PPM1E: variants seen among roughly 807,000 people sequenced by gnomAD.
PPM1E encodes the protein protein phosphatase, Mg2+/Mn2+ dependent 1E.
PPM1E carries 20 observed loss-of-function variants against 65.9 expected under a neutral mutation model. That is an observed-to-expected ratio of 0.30 (90% CI 0.21 to 0.44). The LOEUF (loss-of-function observed/expected upper bound fraction) is 0.44, where lower values mean the gene tolerates loss of function less well. Among genes scored for constraint, PPM1E ranks in the 20% least tolerant of loss-of-function variants. The pLI is 1.00. For synonymous variants in PPM1E, 352 were observed against 374.9 expected (o/e 0.94, Z 0.70); for missense variants, 713 against 953.1 (o/e 0.75, Z 3.32).
Position 58,756,321 on chromosome 17 carries a change from C to A in PPM1E, c.324C>A (p.Ala108=), listed in dbSNP as rs942820874. 4.1e-6 allele frequency: 6 copies of A among 1,476,922 alleles called. No individual in the cohort carries two copies. The East Asian group carries it at 1.4e-4, about 34-fold the overall frequency. The allele number at this position is 1,476,922 out of a possible 1,614,324, so 91.5% of individuals were successfully genotyped here. Residue 108 remains alanine (A), a synonymous_variant, in exon 1 of 7, where the codon GCC becomes GCA. Transcript: ENST00000308249. ...AGGGCGCGGCGACGGCGGCGGCAGCCCCGGGGCACTCGGCCGTGCCGCCGC... is the reference window on the plus strand; with the variant it reads ...AGGGCGCGGCGACGGCGGCGGCAGCACCGGGGCACTCGGCCGTGCCGCCGC... ...EEEGAATAAA[A]PGHSAVPPPP... is the part of the protein sequence containing the mutation.
chr17:58,945,343 A>G (rs1449742100), intron 1 of PPM1E, among the ~76,000 whole-genome samples: 1 of 152,130 alleles, frequency 6.6e-6, no homozygotes, highest in African/African-American at 2.4e-5. Context: ...GGGTTTCATC[A>G]TGTTGGCCAG....
intron 1 of PPM1E, among the ~76,000 whole-genome samples, chr17:58,785,776 C>CA (rs2050094955): frequency 6.6e-6 from 1 of 151,882 alleles, no homozygotes; most frequent in Non-Finnish European, 1.5e-5. Context: ...TTAATTGAAA[C>CA]ACGTTTCAGT....
At chr17:58,789,436 T>A (rs1218618381) in intron 1 of PPM1E, among the ~76,000 whole-genome samples, 1 of 152,204 alleles carries the variant, frequency 6.6e-6, no homozygotes, top group Non-Finnish European at 1.5e-5. Context: ...TCTTCATTAC[T>A]CATTGCCTTC....
chr17:58,923,284 C>CAAAAAAAA (rs60557317), intron 1 of PPM1E, among the ~76,000 whole-genome samples: 1 of 102,484 alleles, frequency 9.8e-6, no homozygotes, highest in African/African-American at 3.8e-5. Context: ...GACCCTATCT[C>CAAAAAAAA]AAAAAAAAAA....
intron 2 of PPM1E, among the ~76,000 whole-genome samples, chr17:58,960,474 A>G (rs1336562460): frequency 1.3e-5 from 2 of 152,164 alleles, no homozygotes; most frequent in Non-Finnish European, 2.9e-5. Flanking sequence ...AGTTTTAAAT[A>G]ACAATTAAAG....
At chr17:58,772,420 C>T (rs892838959) in intron 1 of PPM1E, among the ~76,000 whole-genome samples, 10 of 151,492 alleles carry the variant, frequency 6.6e-5, no homozygotes, top group Non-Finnish European at 1.5e-4. Context: ...CGTGCTACTG[C>T]ACTCCAGCCT....
chr17:58,900,914 C>CAATATA (rs2051491130), intron 1 of PPM1E, among the ~76,000 whole-genome samples: 1 of 152,038 alleles, frequency 6.6e-6, no homozygotes, highest in Admixed American at 6.6e-5. Flanking sequence ...TCTAAGCACA[C>CAATATA]AATATAAATA....
At chr17:58,895,430 C>T (rs2051400551) in intron 1 of PPM1E, among the ~76,000 whole-genome samples, 1 of 152,114 alleles carries the variant, frequency 6.6e-6, no homozygotes, top group African/African-American at 2.4e-5. Flanking sequence ...AATGCTAGGG[C>T]TCTTGCACTA....
At chr17:58,781,577 T>G (rs2050050113) in intron 1 of PPM1E, among the ~76,000 whole-genome samples, 1 of 152,080 alleles carries the variant, frequency 6.6e-6, no homozygotes, top group Non-Finnish European at 1.5e-5. Context: ...GTATGAGAAG[T>G]CTTGAGGGAT....
chr17:58,779,933 T>A (rs2050035236), intron 1 of PPM1E, among the ~76,000 whole-genome samples: 1 of 152,240 alleles, frequency 6.6e-6, no homozygotes, highest in Non-Finnish European at 1.5e-5. Context: ...TACCTCATTC[T>A]TTTGTCTGCT....
In PPM1E at chr17:58,903,725, A is replaced by G. The variant is rs537854141; in HGVS notation, c.465-51924A>G. ...GTTCTTAGAAGGAAGAGGGCCTAGA[A>G]AATTATAGATTAATCTGTATTTGTG... On this transcript the variant is annotated intron_variant, in intron 1 of 6. Coordinates refer to ENST00000308249, the MANE Select transcript of PPM1E (RefSeq NM_014906.5). 3.0e-4 allele frequency among the ~76,000 whole-genome samples: 45 copies of G among 152,348 alleles called. 1 individual carries two copies. The East Asian group carries it at 8.3e-3, about 28-fold the overall frequency.
chr17:58,798,424 C>T (rs2050227480), intron 1 of PPM1E, among the ~76,000 whole-genome samples: 1 of 151,526 alleles, frequency 6.6e-6, no homozygotes, highest in Non-Finnish European at 1.5e-5. Flanking sequence ...AGGGTTTCAC[C>T]ATGTTGGTCA....
chr17:58,893,823 G>A (rs2051378206), intron 1 of PPM1E, among the ~76,000 whole-genome samples: 1 of 152,090 alleles, frequency 6.6e-6, no homozygotes, highest in African/African-American at 2.4e-5. Flanking sequence ...TATAATCCCA[G>A]CACTTTGGGA....
intron 1 of PPM1E, among the ~76,000 whole-genome samples, chr17:58,822,536 A>C (rs996653618): frequency 6.6e-6 from 1 of 152,090 alleles, no homozygotes; most frequent in Non-Finnish European, 1.5e-5. Context: ...GCCAGTTTCA[A>C]TTGCCCATCT....
chr17:58,835,939 A>C (rs2050651644), intron 1 of PPM1E: 1 of 152,270 alleles, frequency 6.6e-6, no homozygotes, highest in Admixed American at 6.5e-5. Flanking sequence ...ATGATAGAGA[A>C]GATTAGTATG....
intron 1 of PPM1E, among the ~76,000 whole-genome samples, chr17:58,872,219 C>T (rs2051079279): frequency 6.6e-6 from 1 of 152,166 alleles, no homozygotes; most frequent in African/African-American, 2.4e-5. Context: ...ATTGCTTGAA[C>T]CCAGGAGGCG....
chr17:58,809,845 A>ATG (rs1321253298), intron 1 of PPM1E, among the ~76,000 whole-genome samples: 5 of 152,274 alleles, frequency 3.3e-5, no homozygotes, highest in African/African-American at 1.2e-4. Context: ...AGAGCAGCAC[A>ATG]TGCTGTGCCC....
intron 1 of PPM1E, among the ~76,000 whole-genome samples, chr17:58,952,822 C>T (rs868852966): frequency 1.3e-5 from 2 of 152,016 alleles, no homozygotes; most frequent in Admixed American, 6.6e-5. Context: ...TACAGGTTCC[C>T]GCCACCACAC....
intron 1 of PPM1E, chr17:58,785,297 T>G (rs977927499): frequency 2.0e-4 from 29 of 147,150 alleles, no homozygotes; most frequent in Admixed American, 9.5e-4. Flanking sequence ...ATTTATTTAT[T>G]TATTTATTTA....
Sources: gnomAD v4.1 joint callset for allele counts (sites outside exome capture counted in the v4.1 genomes callset) on GRCh38, gnomAD v4.1.1 for gene constraint, MANE v1.5 for transcripts, NCBI Gene and HGNC (gene_info 2026-07-23, HGNC 2026-07-21) for gene names.